CLPB: variants seen among roughly 807,000 people sequenced by gnomAD.
CLPB encodes mitochondrial disaggregase.
In CLPB, 40 loss-of-function variants were observed where a neutral mutation model predicts 78.4. The observed-to-expected ratio is 0.51, with a 90% CI of 0.40 to 0.66. CLPB has a LOEUF of 0.66. Among genes scored for constraint, CLPB ranks in the 30% least tolerant of loss-of-function variants. The pLI is 0.00. For missense variants in CLPB, 780 were observed against 886.9 expected, an observed-to-expected ratio of 0.88 and a Z score of 1.53; for synonymous variants, 333 against 348.0, an observed-to-expected ratio of 0.96 and a Z score of 0.48.
intron 3 of CLPB, 83 bp downstream of exon 3, chr11:72,402,883 G>T: frequency 9.0e-7 from 1 of 1,108,030 alleles, no homozygotes; most frequent in Non-Finnish European, 1.4e-6. Context: ...ACAGCAGGGA[G>T]GCACACCAGG....
intron 2 of CLPB, among the ~76,000 whole-genome samples, chr11:72,427,742 T>C (rs1462221246): frequency 6.6e-6 from 1 of 152,242 alleles, no homozygotes; most frequent in East Asian, 1.9e-4. Flanking sequence ...TGGGTAAGTA[T>C]ACTCTATGAT....
intron 3 of CLPB, among the ~76,000 whole-genome samples, chr11:72,381,836 G>A (rs1429686939): frequency 1.3e-5 from 2 of 152,088 alleles, no homozygotes; most frequent in African/African-American, 4.8e-5. Context: ...ACAGGCTCTA[G>A]GCCTGCTCAG....
At chr11:72,408,074 T>C (rs1855761954) in intron 2 of CLPB, 2 of 1,458,718 alleles carry the variant, frequency 1.4e-6, no homozygotes, top group South Asian at 2.4e-5. Flanking sequence ...AGCACCGAAA[T>C]ATAAAGGAAA....
chr11:72,424,254 A>G (rs1475843682), intron 2 of CLPB, among the ~76,000 whole-genome samples: 1 of 152,230 alleles, frequency 6.6e-6, no homozygotes, highest in Admixed American at 6.5e-5. Context: ...AGACCTGAGT[A>G]TAGGCGCTCA....
chr11:72,382,380 C>A lies in CLPB; in HGVS notation c.543-1996G>T, dbSNP rs544398401. 1.2e-4 allele frequency among the ~76,000 whole-genome samples: 19 copies of A among 152,242 alleles called. 1 individual carries two copies. Among genetic ancestry groups the A allele is most frequent in the Non-Finnish European group, 2.4e-4 (16 of 68,046 alleles). On this transcript the variant is annotated intron_variant, in intron 3 of 15. Coordinates refer to ENST00000538039, the MANE Select transcript of CLPB (RefSeq NM_001258392.3). The stretch of plus-strand genomic sequence containing the variant: ...TGGACTTAGGCTCCAGGCCCGTCCA[C>A]CTGGATGCAGGCGCCAAGTCAATCC...
At chr11:72,390,922 TG>T (rs1411707763) in intron 3 of CLPB, among the ~76,000 whole-genome samples, 4 of 152,154 alleles carry the variant, frequency 2.6e-5, no homozygotes, top group Non-Finnish European at 4.4e-5. Context: ...TGTCCACCAC[TG>T]GGGGGACAGA....
At position 72,430,380 on chromosome 11, in the gene CLPB, C is replaced by G. The variant is rs1856510321; in HGVS notation, c.404-17G>C. 6.2e-7 allele frequency: 1 copy of G among 1,612,014 alleles called. No individual in the cohort carries two copies. The highest frequency in any genetic ancestry group is 1.3e-5 in the African/African-American group (1 of 75,008). On this transcript the variant is annotated splice_polypyrimidine_tract_variant and intron_variant, in intron 1 of 15. Coordinates refer to ENST00000538039, the MANE Select transcript of CLPB (RefSeq NM_001258392.3). ...GGGCTGCATCTGAAGAGAAAGGGGG[C>G]ACTGGTCAGATCCGCGGCCAGGACA...
At chr11:72,316,137 C>A (rs1275368606) in intron 7 of CLPB, among the ~76,000 whole-genome samples, 1 of 152,322 alleles carries the variant, frequency 6.6e-6, no homozygotes, top group South Asian at 2.1e-4. Flanking sequence ...TCCAGGCATA[C>A]CACACGACCA....
intron 11 of CLPB, among the ~76,000 whole-genome samples, chr11:72,300,211 T>G (rs907230764): frequency 6.6e-6 from 1 of 152,198 alleles, no homozygotes; most frequent in Non-Finnish European, 1.5e-5. Context: ...TTGCTTCAGT[T>G]TCCACATCTG....
chr11:72,339,469 G>C (rs1950379050), intron 5 of CLPB, among the ~76,000 whole-genome samples: 1 of 152,156 alleles, frequency 6.6e-6, no homozygotes, highest in East Asian at 1.9e-4. Flanking sequence ...CTAACCATGG[G>C]AACATCCGAA....
chr11:72,337,256 C>T (rs1281831189), intron 5 of CLPB: 2 of 396,692 alleles, frequency 5.0e-6, no homozygotes, highest in African/African-American at 2.1e-5. Context: ...GCTCAACATA[C>T]GTATGTACAC....
chr11:72,386,495 C>T (rs780388926), intron 3 of CLPB, among the ~76,000 whole-genome samples: 8 of 152,140 alleles, frequency 5.3e-5, no homozygotes, highest in Non-Finnish European at 8.8e-5. Flanking sequence ...GATGGTTTCC[C>T]ACGTACCATT....
chr11:72,300,314 C>G (rs1215361986), intron 11 of CLPB, among the ~76,000 whole-genome samples: 1 of 152,182 alleles, frequency 6.6e-6, no homozygotes, highest in Non-Finnish European at 1.5e-5. Context: ...GAATGGCACA[C>G]AAAATGCAAA....
chr11:72,294,782 C>A, intron 12 of CLPB, 89 bp from the exon 13 acceptor site: 1 of 1,073,682 alleles, frequency 9.3e-7, no homozygotes, highest in South Asian at 1.3e-5. Context: ...ATGGAAAGAG[C>A]CCTGGTCCTG....
chr11:72,408,742 T>C (rs1326961896), intron 2 of CLPB, among the ~76,000 whole-genome samples: 1 of 150,012 alleles, frequency 6.7e-6, no homozygotes, highest in Non-Finnish European at 1.5e-5. Context: ...AAGAGCTGGG[T>C]AGGCCCCTCC....
intron 3 of CLPB, among the ~76,000 whole-genome samples, chr11:72,398,615 G>C (rs1656283276): frequency 6.6e-6 from 1 of 152,244 alleles, no homozygotes; most frequent in Non-Finnish European, 1.5e-5. Context: ...ACAAGCCGGT[G>C]AAGGCTACGC....
chr11:72,424,016 T>G (rs1165261190), intron 2 of CLPB, among the ~76,000 whole-genome samples: 1 of 152,228 alleles, frequency 6.6e-6, no homozygotes, highest in Admixed American at 6.5e-5. Flanking sequence ...TCTCTAGAAC[T>G]GAGAGGAATA....
intron 4 of CLPB, among the ~76,000 whole-genome samples, chr11:72,371,092 C>T (rs1267418452): frequency 6.6e-6 from 1 of 152,016 alleles, no homozygotes; most frequent in East Asian, 1.9e-4. Context: ...GAGACAGGGT[C>T]TTGCTCTGTC....
In CLPB at chr11:72,295,649, C is replaced by G; in HGVS notation, c.1330-1G>C. 1 of 1,613,880 alleles carries G rather than the reference C, an allele frequency of 6.2e-7. No homozygotes were observed. The highest frequency in any genetic ancestry group is 8.5e-7 in the Non-Finnish European group (1 of 1,179,908). ...TCCCTTTTCCATCTGTCAGCCGGCC[C>G]TGGGAAGGGAAGGAAGGGAGTGTAC... On this transcript the variant is annotated splice_acceptor_variant, in intron 11 of 15. Transcript: ENST00000538039. LOFTEE classifies it high-confidence loss of function.
Sources: allele counts gnomAD v4.1 joint callset (sites outside exome capture counted in the v4.1 genomes callset), GRCh38; gene constraint gnomAD v4.1.1; transcripts MANE v1.5; gene names NCBI Gene and HGNC (gene_info 2026-07-23, HGNC 2026-07-21).